The following PCSK6 variants were observed in gnomAD, a reference collection of about 807,000 sequenced individuals.
The protein encoded by PCSK6 is paired basic amino acid cleaving enzyme 4.
PCSK6 carries 85 observed loss-of-function variants against 123.3 expected under a neutral mutation model. The observed-to-expected ratio is 0.69, with a 90% CI of 0.58 to 0.83. PCSK6 has a LOEUF of 0.83. PCSK6 is among the 40% of genes least tolerant of loss of function. PCSK6 has a pLI of 0.00. For synonymous variants in PCSK6, 508 were observed against 516.0 expected (o/e 0.98, Z 0.21); for missense variants, 1,191 against 1,282.3 (o/e 0.93, Z 1.09).
intron 11 of PCSK6, among the ~76,000 whole-genome samples, chr15:101,378,737 G>T (rs1409269971): frequency 3.3e-5 from 5 of 152,186 alleles, no homozygotes; most frequent in Non-Finnish European, 5.9e-5. Flanking sequence ...TATCTTTCGG[G>T]TGGATCCATA....
chr15:101,418,325 G>C (rs1326207316), intron 6 of PCSK6, among the ~76,000 whole-genome samples: 3 of 152,090 alleles, frequency 2.0e-5, no homozygotes, highest in Non-Finnish European at 4.4e-5. Flanking sequence ...CTTTCTACGA[G>C]ACTGGCCTGA....
At chr15:101,338,967 T>C (rs1057353584) in intron 13 of PCSK6, among the ~76,000 whole-genome samples, 5 of 152,212 alleles carry the variant, frequency 3.3e-5, no homozygotes, top group African/African-American at 1.2e-4. Context: ...CTCAATGAAT[T>C]AAATTCATAA....
chr15:101,389,621 T>G, intron 8 of PCSK6, 57 bp from the exon 9 acceptor site: 2 of 1,348,658 alleles, frequency 1.5e-6, no homozygotes, highest in South Asian at 1.3e-5. Context: ...ACTCACTCTG[T>G]GGAGAAGGCT....
chr15:101,311,531 T>A (rs909680725), intron 20 of PCSK6, among the ~76,000 whole-genome samples: 3 of 152,188 alleles, frequency 2.0e-5, no homozygotes, highest in African/African-American at 7.2e-5. Context: ...ATGTTTCCTA[T>A]GAAGCCTACA....
chr15:101,356,505 C>CAAAAAAAA (rs34350017), intron 13 of PCSK6, among the ~76,000 whole-genome samples: 8 of 86,248 alleles, frequency 9.3e-5, no homozygotes, highest in African/African-American at 1.8e-4. Context: ...ACTAAAACTA[C>CAAAAAAAA]AAAAAAAAAA....
chr15:101,380,535 G>A (rs73477088), intron 11 of PCSK6, among the ~76,000 whole-genome samples: 4,178 of 152,312 alleles, frequency 0.027, 195 homozygotes, highest in African/African-American at 0.091. Context: ...CAGAGAAACC[G>A]ACGCCTTAAG....
chr15:101,416,809 A>G (rs1168455473), intron 6 of PCSK6, among the ~76,000 whole-genome samples: 1 of 152,250 alleles, frequency 6.6e-6, no homozygotes, highest in East Asian at 1.9e-4. Flanking sequence ...TTGAGCCTGC[A>G]GGTGCACAGA....
At chr15:101,325,095 GCCCCAGGCCTGCCCCTTTGTTT>G (rs1567143138) in intron 16 of PCSK6, 49 bp from the exon 17 acceptor site, 1 of 1,399,356 alleles carries the variant, frequency 7.1e-7, no homozygotes, top group East Asian at 2.4e-5. Flanking sequence ...CCCAGCCCCA[GCCCCAGGCCTGCCCCTTTGTTT>G]CCTCTGAGGA....
intron 6 of PCSK6, among the ~76,000 whole-genome samples, chr15:101,410,753 T>C (rs1458550011): frequency 1.3e-5 from 2 of 152,206 alleles, no homozygotes; most frequent in East Asian, 1.9e-4. Context: ...AATCCAGGCT[T>C]CAGGGCAACA....
chr15:101,305,266 C>T lies in PCSK6; in HGVS notation c.2902G>A (p.Ala968Thr). Residue 968 changes from alanine (A) to threonine (T), a missense_variant, in exon 22 of 22, where the codon GCC becomes ACC. By Grantham distance (58) the Ala-to-Thr change is moderately conservative (BLOSUM62 0). Transcript: ENST00000611716. This position sits in a 1 kb window ranked among gnomAD's most constrained non-coding sequence, Gnocchi z 4.8. The stretch of plus-strand genomic sequence containing the variant: ...TGGGCAGCTAGGCACCCTTACCCGG[C>T]CAGGAGGCACGTGCGGCAGCAGAAC... The part of the protein sequence containing the change: ...IQFCCRTCLL[A>T]G 6.2e-7 allele frequency: 1 copy of T among 1,610,798 alleles called. No individual in the cohort carries two copies. The highest frequency in any genetic ancestry group is 1.3e-5 in the African/African-American group (1 of 75,018).
intron 11 of PCSK6, among the ~76,000 whole-genome samples, chr15:101,371,649 G>A (rs948881580): frequency 1.3e-5 from 2 of 152,212 alleles, no homozygotes; most frequent in African/African-American, 2.4e-5. Context: ...CTGTACCCAA[G>A]GTGTAGCTAA....
At chr15:101,314,183 AG>A (rs1401135790) in intron 19 of PCSK6, among the ~76,000 whole-genome samples, 2 of 152,230 alleles carry the variant, frequency 1.3e-5, no homozygotes, top group Non-Finnish European at 2.9e-5. Flanking sequence ...TAGGGCAGGG[AG>A]GAGAGACTCG....
rs1262719614 is a variant in PCSK6 at position 101,389,446 on chromosome 15, A to G, written c.1310+18T>C. The G allele has an allele frequency of 1.9e-6, 3 of 1,568,464 alleles. No individual in the cohort carries two copies. The highest frequency in any genetic ancestry group is 1.7e-5 in the Admixed American group (1 of 59,894). ...CTAAACATTTTTTTTTTTTAGAAAA[A>G]GGTAAGTGGGAACTTACTTTGCTTC... On this transcript the variant is annotated intron_variant, in intron 9 of 21. Transcript: ENST00000611716.
chr15:101,307,237 T>G lies in PCSK6; in HGVS notation c.2788A>C (p.Ile930Leu). The G allele has an allele frequency of 6.2e-7, 1 of 1,613,654 alleles. No individual in the cohort carries two copies. Among genetic ancestry groups the G allele is most frequent in the Non-Finnish European group, 8.5e-7 (1 of 1,179,710 alleles). The change falls in exon 21 of 22, where the codon ATC becomes CTC. Residue 930 changes from isoleucine (I) to leucine (L), a missense_variant. Physicochemically the swap from Ile to Leu is conservative, Grantham distance 5 (BLOSUM62 2). Around this residue, in one of 3 missense-constraint regions of PCSK6, gnomAD observed 630 missense variants for 631.4 expected, o/e 1.00. Transcript: ENST00000611716. Reference sequence around the variant, plus strand: ...CCGTTGCTGCACGTGTGGTTGGTGATGCAGGAGGTCCCCAGCTGTGTGAAG... The same window carrying G: ...CCGTTGCTGCACGTGTGGTTGGTGAGGCAGGAGGTCCCCAGCTGTGTGAAG... ...TGFTQLGTSC[I>L]TNHTCSNADE...
At chr15:101,340,761 TCTCCCGC>T (rs2040583292) in intron 13 of PCSK6, among the ~76,000 whole-genome samples, 1 of 152,038 alleles carries the variant, frequency 6.6e-6, no homozygotes, top group East Asian at 1.9e-4. Context: ...ACATGATCCC[TCTCCCGC>T]CCCCACCTCC....
rs932555788 is a variant in PCSK6, at chr15:101,304,593, A to G, written c.*665T>C. On this transcript the variant is annotated 3_prime_UTR_variant, in exon 22 of 22. Transcript: ENST00000611716. ...GTAACAAGGAGAGCTCGGCTTGCTC[A>G]AAGGAGAGCGCTGCGGGGGATAGAA... is the stretch of plus-strand genomic sequence containing the variant. 2 of 152,238 alleles carry G rather than the reference A, an allele frequency of 1.3e-5. No individual in the cohort carries two copies. The highest frequency in any genetic ancestry group is 2.4e-5 in the African/African-American group (1 of 41,438). The allele number at this position is 152,238 out of a possible 1,614,324, so 9.4% of individuals were successfully genotyped here. A position where few individuals can be genotyped will look rare whatever the true frequency, so the allele number is the denominator to read the frequency against.
At chr15:101,477,544 G>A (rs1195646763) in intron 1 of PCSK6, among the ~76,000 whole-genome samples, 1 of 152,174 alleles carries the variant, frequency 6.6e-6, no homozygotes, top group Non-Finnish European at 1.5e-5. Context: ...AAAAAGTCAT[G>A]GCCCAAAGTG....
At chr15:101,368,019 T>C (rs1053095236) in intron 12 of PCSK6, among the ~76,000 whole-genome samples, 46 of 152,254 alleles carry the variant, frequency 3.0e-4, no homozygotes, top group African/African-American at 1.1e-3. Flanking sequence ...GAGACAAGAG[T>C]TGGCCAGGTT....
At chr15:101,483,876 ACTT>A in intron 1 of PCSK6, among the ~76,000 whole-genome samples, 1 of 152,234 alleles carries the variant, frequency 6.6e-6, no homozygotes, top group South Asian at 2.1e-4. Context: ...TAAAGTAGGG[ACTT>A]CTTAACATGG....
Sources: allele counts gnomAD v4.1 joint callset (sites outside exome capture counted in the v4.1 genomes callset), GRCh38; gene constraint gnomAD v4.1.1; regional missense constraint gnomAD v4.1.1; non-coding constraint Gnocchi (gnomAD v3.1); transcripts MANE v1.5; gene names NCBI Gene and HGNC (gene_info 2026-07-23, HGNC 2026-07-21).